Variants in PDE4B observed in about 807,000 individuals in gnomAD.
The protein encoded by PDE4B is 3',5'-cyclic-AMP phosphodiesterase 4B.
PDE4B carries 20 observed loss-of-function variants against 82.2 expected under a neutral mutation model. The ratio of observed to expected loss-of-function variants is 0.24; its 90% confidence interval spans 0.17 to 0.35. PDE4B has a LOEUF of 0.35. Ranked by LOEUF, PDE4B falls within the 10% of genes least tolerant of loss-of-function variation. The pLI, the probability that PDE4B is intolerant of heterozygous loss-of-function variation, is 1.00. For missense variants in PDE4B, 655 were observed against 907.2 expected (o/e 0.72, Z 3.57); for synonymous variants, 320 against 318.9 (o/e 1.00, Z -0.04).
chr1:66,099,474 G>A (rs967542813), intron 3 of PDE4B, among the ~76,000 whole-genome samples: 4 of 152,064 alleles, frequency 2.6e-5, no homozygotes, highest in African/African-American at 9.7e-5. Flanking sequence ...GCCACTTAAT[G>A]TGTTTTTGGT....
Position 66,204,143 on chromosome 1 carries a change from C to T in PDE4B, c.282-43317C>T, listed in dbSNP as rs1307598790. On this transcript the variant is annotated intron_variant, in intron 3 of 16. Coordinates refer to ENST00000341517, the MANE Select transcript of PDE4B (RefSeq NM_002600.4). ...ACCCTGTTTGCCTGGGTATCAGCAG[C>T]GGTGGCTGCAGAACAGCAGATTTTC... 3.9e-5 allele frequency among the ~76,000 whole-genome samples: 6 copies of T among 152,328 alleles called. No homozygotes were observed. In the East Asian group the frequency reaches 5.8e-4, roughly 15 times the overall value.
At chr1:66,339,018 CAA>C (rs60064823) in intron 8 of PDE4B, among the ~76,000 whole-genome samples, 12 of 79,778 alleles carry the variant, frequency 1.5e-4, no homozygotes, top group South Asian at 4.2e-4. Flanking sequence ...GACTCCGTCT[CAA>C]AAAAAAAAAA....
rs541193704 is a variant in PDE4B at position 66,120,280 on chromosome 1, G to A, written c.282-127180G>A. On this transcript the variant is annotated intron_variant, in intron 3 of 16. Coordinates refer to ENST00000341517, the MANE Select transcript of PDE4B (RefSeq NM_002600.4). ...GCAGCTGTGCCTCTCTTCCCACTTC[G>A]TCTTTGATTCCTTGACCTAGACCCT... is the stretch of plus-strand genomic sequence containing the variant. Among the ~76,000 whole-genome samples the A allele has an allele frequency of 1.3e-4, 20 of 152,216 alleles. No homozygotes were observed. In the East Asian group the frequency reaches 2.3e-3, roughly 18 times the overall value.
intron 3 of PDE4B, among the ~76,000 whole-genome samples, chr1:66,129,847 TA>T (rs764444704): frequency 4.3e-4 from 65 of 152,354 alleles, no homozygotes; most frequent in Non-Finnish European, 7.8e-4. Context: ...ATGCTACACA[TA>T]ATATGACTTT....
chr1:66,363,538 G>A lies in PDE4B; in HGVS notation c.1251G>A (p.Ser417=), dbSNP rs777394448. The A allele has an allele frequency of 4.3e-6, 7 of 1,613,350 alleles. No homozygotes were observed. In the East Asian group the frequency reaches 6.7e-5, roughly 15 times the overall value. Residue 417 remains serine (S), a synonymous_variant, in exon 12 of 17, where the codon TCG becomes TCA. Coordinates refer to ENST00000341517, the MANE Select transcript of PDE4B (RefSeq NM_002600.4). ...NSLHAADVAQ[S]THVLLSTPAL... ...TGCACGCTGCTGATGTAGCCCAGTC[G>A]ACCCATGTTCTCCTTTCTACACCAG...
At chr1:65,865,190 C>T (rs563378362) in intron 1 of PDE4B, among the ~76,000 whole-genome samples, 3 of 152,270 alleles carry the variant, frequency 2.0e-5, no homozygotes, top group East Asian at 3.9e-4. Context: ...AGGGGAAAAC[C>T]GCCTACTCAA....
intron 1 of PDE4B, among the ~76,000 whole-genome samples, chr1:65,857,697 T>C (rs1318092784): frequency 6.6e-6 from 1 of 152,360 alleles, no homozygotes; most frequent in East Asian, 1.9e-4. Flanking sequence ...TTTTTTTTCC[T>C]GTTTTAATCA....
At chr1:66,041,799 TACAC>T (rs376075112) in intron 3 of PDE4B, among the ~76,000 whole-genome samples, 3 of 139,138 alleles carry the variant, frequency 2.2e-5, no homozygotes, top group African/African-American at 2.6e-5. Context: ...TGCTTTGAAA[TACAC>T]ACACACACAC....
intron 1 of PDE4B, among the ~76,000 whole-genome samples, chr1:65,800,867 A>C (rs538082121): frequency 2.0e-5 from 3 of 152,346 alleles, no homozygotes; most frequent in African/African-American, 7.2e-5. Flanking sequence ...AATGATAATG[A>C]CAACGGTCAT....
At chr1:65,971,990 C>G (rs1650164589) in intron 3 of PDE4B, among the ~76,000 whole-genome samples, 1 of 152,006 alleles carries the variant, frequency 6.6e-6, no homozygotes, top group Non-Finnish European at 1.5e-5. Flanking sequence ...TCTGTGTTAC[C>G]AAGATATATC....
chr1:66,291,943 T>A (rs1166694216), intron 7 of PDE4B, among the ~76,000 whole-genome samples: 1 of 152,188 alleles, frequency 6.6e-6, no homozygotes, highest in African/African-American at 2.4e-5. Context: ...AATTGTTTTT[T>A]TCATAAATGA....
At chr1:65,812,370 C>G (rs969388715) in intron 1 of PDE4B, among the ~76,000 whole-genome samples, 4 of 152,312 alleles carry the variant, frequency 2.6e-5, no homozygotes, top group African/African-American at 9.6e-5. Context: ...CCTCCATGCT[C>G]TGCCACACCT....
chr1:66,003,365 T>C (rs1259633498), intron 3 of PDE4B, among the ~76,000 whole-genome samples: 1 of 152,080 alleles, frequency 6.6e-6, no homozygotes, highest in Non-Finnish European at 1.5e-5. Flanking sequence ...AAAAAAACAT[T>C]TATCATCTTC....
At chr1:65,857,057 C>G (rs2100237893) in intron 1 of PDE4B, among the ~76,000 whole-genome samples, 1 of 152,174 alleles carries the variant, frequency 6.6e-6, no homozygotes, top group East Asian at 1.9e-4. Flanking sequence ...CCATTACCAT[C>G]ATGCTGGTGC....
At chr1:65,997,702 AG>A (rs1358098551) in intron 3 of PDE4B, among the ~76,000 whole-genome samples, 1 of 152,230 alleles carries the variant, frequency 6.6e-6, no homozygotes, top group Non-Finnish European at 1.5e-5. Context: ...ACAGTTGTTA[AG>A]AGCCTACTAT....
At chr1:65,929,850 A>G (rs1018443619) in intron 3 of PDE4B, among the ~76,000 whole-genome samples, 4 of 152,208 alleles carry the variant, frequency 2.6e-5, no homozygotes, top group African/African-American at 9.6e-5. Context: ...TGTTCTCCAT[A>G]CTATTAGAAG....
intron 3 of PDE4B, among the ~76,000 whole-genome samples, chr1:66,097,223 G>C (rs1287542387): frequency 1.3e-5 from 2 of 152,046 alleles, no homozygotes; most frequent in Non-Finnish European, 2.9e-5. Flanking sequence ...CACTAGTAAT[G>C]TATGGGAGTT....
At chr1:66,265,933 A>G in intron 6 of PDE4B, 105 bp from the exon 7 acceptor site, 1 of 816,524 alleles carries the variant, frequency 1.2e-6, no homozygotes, top group Non-Finnish European at 2.2e-6. Context: ...TACATAGTTC[A>G]TTATGACCTG....
chr1:65,899,536 G>A (rs965603411), intron 1 of PDE4B, among the ~76,000 whole-genome samples: 2 of 151,090 alleles, frequency 1.3e-5, no homozygotes, highest in African/African-American at 2.4e-5. Flanking sequence ...GTTTATAGCT[G>A]CACAATTCGC....
Sources: allele counts gnomAD v4.1 joint callset (sites outside exome capture counted in the v4.1 genomes callset), GRCh38; gene constraint gnomAD v4.1.1; transcripts MANE v1.5; gene names NCBI Gene and HGNC (gene_info 2026-07-23, HGNC 2026-07-21).